Variants in PDGFRL observed in about 807,000 individuals in gnomAD.
The protein encoded by PDGFRL is platelet-derived growth factor receptor-like protein.
A neutral mutation model predicts 37.2 loss-of-function variants in PDGFRL; 46 were observed. The ratio of observed to expected loss-of-function variants is 1.24; its 90% CI spans 0.98 to 1.58. The LOEUF (loss-of-function observed/expected upper bound fraction) is 1.58. PDGFRL is among the 40% of genes most tolerant of loss of function. PDGFRL has a pLI of 0.00. For missense variants in PDGFRL, 692 were observed against 467.6 expected, an observed-to-expected ratio of 1.48 and a Z score of -4.43; for synonymous variants, 251 against 184.3, an observed-to-expected ratio of 1.36 and a Z score of -2.93.
intron 2 of PDGFRL, among the ~76,000 whole-genome samples, chr8:17,591,857 A>G: frequency 6.6e-6 from 1 of 152,300 alleles, no homozygotes. Flanking sequence ...CGGAGGTTGC[A>G]GTGAGCCGAG....
At chr8:17,623,969 A>G (rs536767054) in intron 3 of PDGFRL, among the ~76,000 whole-genome samples, 58 of 152,178 alleles carry the variant, frequency 3.8e-4, no homozygotes, top group African/African-American at 1.3e-3. Flanking sequence ...AGAAAAGCTA[A>G]AATATATTCA....
intron 1 of PDGFRL, among the ~76,000 whole-genome samples, chr8:17,583,790 T>C (rs1470480493): frequency 1.3e-5 from 2 of 151,914 alleles, no homozygotes; most frequent in Admixed American, 6.6e-5. Context: ...GCACCTCCCC[T>C]CTCTCTCTCT....
At chr8:17,594,983 G>A (rs574197162) in intron 2 of PDGFRL, among the ~76,000 whole-genome samples, 1 of 141,982 alleles carries the variant, frequency 7.0e-6, no homozygotes, top group Admixed American at 7.5e-5. Flanking sequence ...ATGTATACCC[G>A]CAAGTGGGAT....
intron 3 of PDGFRL, among the ~76,000 whole-genome samples, chr8:17,625,742 A>G (rs1208434910): frequency 5.9e-5 from 9 of 152,152 alleles, no homozygotes; most frequent in Admixed American, 5.9e-4. Flanking sequence ...TAATCTCAGC[A>G]CTTTGGGAGG....
chr8:17,585,636 G>A (rs1214163056), intron 1 of PDGFRL, among the ~76,000 whole-genome samples: 1 of 152,120 alleles, frequency 6.6e-6, no homozygotes, highest in Non-Finnish European at 1.5e-5. Context: ...GTTAACTGAG[G>A]AGCTACTTTT....
intron 1 of PDGFRL, among the ~76,000 whole-genome samples, chr8:17,586,544 G>A (rs1009648604): frequency 2.0e-5 from 3 of 152,176 alleles, no homozygotes; most frequent in Non-Finnish European, 4.4e-5. Flanking sequence ...CTACCTTCTT[G>A]ATGACCTGGA....
intron 1 of PDGFRL, among the ~76,000 whole-genome samples, chr8:17,586,703 G>A (rs1020554523): frequency 6.6e-6 from 1 of 152,142 alleles, no homozygotes; most frequent in Non-Finnish European, 1.5e-5. Flanking sequence ...GCTAATTTCA[G>A]CAGTTTTGAC....
At chr8:17,641,526 C>CT (rs1805092700) in intron 5 of PDGFRL, among the ~76,000 whole-genome samples, 1 of 152,188 alleles carries the variant, frequency 6.6e-6, no homozygotes, top group African/African-American at 2.4e-5. Flanking sequence ...CAAGCTGTGC[C>CT]CATGGCAAGC....
chr8:17,606,488 T>G (rs1375203086), intron 2 of PDGFRL, among the ~76,000 whole-genome samples: 1 of 152,182 alleles, frequency 6.6e-6, no homozygotes, highest in Admixed American at 6.5e-5. Flanking sequence ...TGCCTTCAAA[T>G]GGTCTTCCAC....
intron 1 of PDGFRL, among the ~76,000 whole-genome samples, chr8:17,580,117 G>C (rs1178756770): frequency 2.0e-5 from 3 of 152,116 alleles, no homozygotes; most frequent in Non-Finnish European, 4.4e-5. Flanking sequence ...AATAACATGA[G>C]ATCCTTGATC....
At chr8:17,590,099 C>T (rs1040692698) in intron 2 of PDGFRL, among the ~76,000 whole-genome samples, 2 of 151,310 alleles carry the variant, frequency 1.3e-5, no homozygotes, top group Non-Finnish European at 2.9e-5. Flanking sequence ...GGCGTGGTGG[C>T]AGGTGCCTGT....
At chr8:17,640,963 A>G (rs985066559) in intron 5 of PDGFRL, among the ~76,000 whole-genome samples, 2 of 151,460 alleles carry the variant, frequency 1.3e-5, no homozygotes, top group African/African-American at 4.9e-5. Context: ...TGCTGTTGGG[A>G]CTGGCGGTGT....
intron 1 of PDGFRL, 70 bp downstream of exon 1, chr8:17,577,377 G>C (rs1803608714): frequency 1.5e-6 from 2 of 1,302,760 alleles, no homozygotes; most frequent in Non-Finnish European, 2.2e-6. Context: ...AGCCCCCGCC[G>C]CCCTCCTGCC....
At chr8:17,613,313 C>G (rs1465662691) in intron 2 of PDGFRL, among the ~76,000 whole-genome samples, 5 of 152,090 alleles carry the variant, frequency 3.3e-5, no homozygotes, top group Non-Finnish European at 4.4e-5. Context: ...TTCTCAGAGT[C>G]TAGAGAATAT....
intron 3 of PDGFRL, among the ~76,000 whole-genome samples, chr8:17,621,534 A>C (rs187430558): frequency 6.6e-6 from 1 of 151,914 alleles, no homozygotes; most frequent in Non-Finnish European, 1.5e-5. Flanking sequence ...CTGTCCCTGC[A>C]CTCCCCAATA....
chr8:17,577,177 T>A (rs375226008), upstream of PDGFRL: 3 of 1,414,698 alleles, frequency 2.1e-6, no homozygotes, highest in East Asian at 3.1e-5. Flanking sequence ...AGCCCGCCCC[T>A]CGCCCGCCGC....
At chr8:17,629,775 G>GT (rs1400338679) in intron 4 of PDGFRL, among the ~76,000 whole-genome samples, 1 of 152,082 alleles carries the variant, frequency 6.6e-6, no homozygotes, top group Non-Finnish European at 1.5e-5. Context: ...CACAACCACT[G>GT]TGACAGCAAC....
At chr8:17,585,982 C>T (rs1210673091) in intron 1 of PDGFRL, among the ~76,000 whole-genome samples, 1 of 152,002 alleles carries the variant, frequency 6.6e-6, no homozygotes, top group Non-Finnish European at 1.5e-5. Context: ...GACAGAGTCT[C>T]ACTCTGTTGC....
chr8:17,581,966 C>A (rs141991117), intron 1 of PDGFRL, among the ~76,000 whole-genome samples: 1 of 151,956 alleles, frequency 6.6e-6, no homozygotes, highest in African/African-American at 2.4e-5. Flanking sequence ...GGCAGAGAAT[C>A]GGAAGAGTTT....
Sources: allele counts gnomAD v4.1 joint callset (sites outside exome capture counted in the v4.1 genomes callset), GRCh38; gene constraint gnomAD v4.1.1; transcripts MANE v1.5; gene names NCBI Gene and HGNC (gene_info 2026-07-23, HGNC 2026-07-21).